The following AUTS2 variants were observed in gnomAD, a reference collection of about 807,000 sequenced individuals.
The protein encoded by AUTS2 is autism susceptibility gene 2 protein.
A neutral mutation model predicts 112.4 loss-of-function variants in AUTS2; 17 were observed. That is an observed-to-expected ratio of 0.15 (90% CI 0.10 to 0.23). The LOEUF (loss-of-function observed/expected upper bound fraction) is 0.23. Among genes scored for constraint, AUTS2 ranks in the 10% least tolerant of loss-of-function variants. The probability of loss-of-function intolerance (pLI) is 1.00; values close to 1 mark genes in which losing one functional copy is unlikely to be tolerated. For synonymous variants in AUTS2, 751 were observed against 702.7 expected (o/e 1.07, Z -1.09); for missense variants, 1,510 against 1,701.6 (o/e 0.89, Z 1.98).
intron 5 of AUTS2, among the ~76,000 whole-genome samples, chr7:70,471,000 G>A (rs4717531): frequency 0.82 from 124,694 of 152,110 alleles, 51,330 homozygotes; most frequent in East Asian, 0.91. Flanking sequence ...GAAGGAAGTC[G>A]AGCAAGTGAC....
chr7:70,065,414 C>G (rs1410870502), intron 2 of AUTS2, among the ~76,000 whole-genome samples: 4 of 152,096 alleles, frequency 2.6e-5, no homozygotes, highest in African/African-American at 9.7e-5. Context: ...ATTATTATTG[C>G]CAGGCACGGT....
At chr7:69,834,184 A>G (rs955996902) in intron 1 of AUTS2, among the ~76,000 whole-genome samples, 2 of 152,000 alleles carry the variant, frequency 1.3e-5, no homozygotes, top group African/African-American at 4.8e-5. Flanking sequence ...GCGTCATCAC[A>G]TTGTAGGTCG....
At chr7:70,279,277 A>C (rs1788090394) in intron 4 of AUTS2, among the ~76,000 whole-genome samples, 1 of 152,226 alleles carries the variant, frequency 6.6e-6, no homozygotes, top group South Asian at 2.1e-4. Context: ...GGAGCCTATT[A>C]GCTGGAGTTA....
chr7:70,543,296 G>A (rs1053269113), intron 5 of AUTS2, among the ~76,000 whole-genome samples: 1 of 152,096 alleles, frequency 6.6e-6, no homozygotes, highest in East Asian at 1.9e-4. Context: ...GAGGTCAGGA[G>A]TTTGAGACCA....
At chr7:70,448,930 G>A (rs544614683) in intron 5 of AUTS2, among the ~76,000 whole-genome samples, 232 of 152,256 alleles carry the variant, frequency 1.5e-3, no homozygotes, top group Middle Eastern at 3.4e-3. Context: ...CCACCCTTCC[G>A]TATGAAGAGA....
intron 4 of AUTS2, among the ~76,000 whole-genome samples, chr7:70,181,636 G>A (rs1187691594): frequency 4.6e-5 from 7 of 151,482 alleles, no homozygotes; most frequent in African/African-American, 1.2e-4. Flanking sequence ...GCAGGCACTC[G>A]CCACCACACC....
At chr7:70,014,698 A>G (rs1234798690) in intron 2 of AUTS2, among the ~76,000 whole-genome samples, 1 of 152,184 alleles carries the variant, frequency 6.6e-6, no homozygotes, top group African/African-American at 2.4e-5. Context: ...GTAGACATGC[A>G]CACCTCTTCA....
At chr7:70,360,263 G>A (rs2129626289) in intron 4 of AUTS2, among the ~76,000 whole-genome samples, 1 of 152,256 alleles carries the variant, frequency 6.6e-6, no homozygotes, top group South Asian at 2.1e-4. Flanking sequence ...GAGTAGCTGG[G>A]ACTAGGTACA....
chr7:70,623,998 CTCCT>C (rs1294315706), intron 5 of AUTS2, among the ~76,000 whole-genome samples: 1 of 152,228 alleles, frequency 6.6e-6, no homozygotes, highest in Non-Finnish European at 1.5e-5. Flanking sequence ...TCGTCGCTGT[CTCCT>C]TCCATCAGGT....
chr7:69,962,790 A>T (rs1198485102), intron 2 of AUTS2, among the ~76,000 whole-genome samples: 1 of 152,028 alleles, frequency 6.6e-6, no homozygotes, highest in African/African-American at 2.4e-5. Flanking sequence ...GAGGGCTGAA[A>T]AAGAGAGAGA....
intron 2 of AUTS2, among the ~76,000 whole-genome samples, chr7:70,107,341 T>A (rs1804819406): frequency 6.8e-6 from 1 of 146,682 alleles, no homozygotes; most frequent in Non-Finnish European, 1.5e-5. Flanking sequence ...GAAGCTTTTT[T>A]TTTTTTTTTT....
At chr7:70,615,716 AT>A (rs2129535179) in intron 5 of AUTS2, among the ~76,000 whole-genome samples, 1 of 152,220 alleles carries the variant, frequency 6.6e-6, no homozygotes, top group African/African-American at 2.4e-5. Context: ...AGGTGTCCTA[AT>A]AAGAGTTTGG....
intron 1 of AUTS2, among the ~76,000 whole-genome samples, chr7:69,782,015 C>G (rs1015148342): frequency 6.6e-6 from 1 of 152,178 alleles, no homozygotes; most frequent in Non-Finnish European, 1.5e-5. Flanking sequence ...AGTACAGATT[C>G]CCGGATGCTA....
chr7:69,599,659 TG>T lies in AUTS2; in HGVS notation c.8del (p.Gly3AlafsTer91). 7.7e-7 allele frequency: 1 copy of T among 1,299,768 alleles called. No individual in the cohort carries two copies. 80.5% of individuals were successfully genotyped at this position (1,299,768 alleles called of 1,614,324 possible). A position where few individuals can be genotyped will look rare whatever the true frequency, so the allele number is the denominator to read the frequency against. Reference sequence around the variant, plus strand: ...GACCCCGGCGCAGCAGAACCATGGATGGCCCGACGCGGGGCCATGGACTCCG... The same window carrying T: ...GACCCCGGCGCAGCAGAACCATGGATGCCCGACGCGGGGCCATGGACTCCG... MD[G>X]PTRGHGLRKK... On this transcript the variant is annotated frameshift_variant, in exon 1 of 19. Transcript: ENST00000342771. LOFTEE classifies it high-confidence loss of function. The surrounding 1 kb of genome is among the most constrained non-coding windows in gnomAD (Gnocchi z 7.0).
In AUTS2 at chr7:70,006,906, T is replaced by TA. The variant is rs147453952; in HGVS notation, c.522+107410dup. Reference sequence around the variant, plus strand: ...GTTGTGGGGAGTACCTTTGCTTCCATAAGAATTTGAGATTTCTGATCAAGA... The same window carrying TA: ...GTTGTGGGGAGTACCTTTGCTTCCATAAAGAATTTGAGATTTCTGATCAAGA... On this transcript the variant is annotated intron_variant, in intron 2 of 18. Transcript: ENST00000342771. Among the ~76,000 whole-genome samples the TA allele has an allele frequency of 4.5e-4, 69 of 152,336 alleles. No individual in the cohort carries two copies. In the East Asian group the frequency reaches 0.013, roughly 29 times the overall value.
At chr7:70,126,896 G>A (rs557171111) in intron 3 of AUTS2, among the ~76,000 whole-genome samples, 18 of 152,022 alleles carry the variant, frequency 1.2e-4, no homozygotes, top group Non-Finnish European at 2.2e-4. Context: ...GTGCGATCTC[G>A]GCTCACTGCA....
intron 5 of AUTS2, among the ~76,000 whole-genome samples, chr7:70,524,873 G>T (rs933813936): frequency 6.6e-5 from 10 of 152,180 alleles, no homozygotes; most frequent in African/African-American, 2.4e-4. Context: ...CAGTGCAGAC[G>T]CCTCGATGAG....
At chr7:69,671,409 A>G (rs1230072662) in intron 1 of AUTS2, among the ~76,000 whole-genome samples, 1 of 152,088 alleles carries the variant, frequency 6.6e-6, no homozygotes, top group African/African-American at 2.4e-5. Flanking sequence ...GAAAGTATGT[A>G]CTATAAGGTG....
intron 1 of AUTS2, among the ~76,000 whole-genome samples, chr7:69,625,217 C>T (rs1583963155): frequency 6.6e-6 from 1 of 152,342 alleles, no homozygotes; most frequent in East Asian, 1.9e-4. Flanking sequence ...AATTAGCTTG[C>T]CTCTCTTTTA....
Sources: gnomAD v4.1 joint callset for allele counts (sites outside exome capture counted in the v4.1 genomes callset) on GRCh38, gnomAD v4.1.1 for gene constraint, Gnocchi (gnomAD v3.1) non-coding constraint, MANE v1.5 for transcripts, NCBI Gene and HGNC (gene_info 2026-07-23, HGNC 2026-07-21) for gene names.